GRM8: variants seen among roughly 807,000 people sequenced by gnomAD.
GRM8 encodes glutamate metabotropic receptor 8, also known as metabotropic glutamate receptor 8.
GRM8 carries 47 observed loss-of-function variants against 87.2 expected under a neutral mutation model. That is an observed-to-expected ratio of 0.54 (90% CI 0.43 to 0.69). GRM8 has a LOEUF of 0.69. Ranked by LOEUF, GRM8 falls within the 30% of genes least tolerant of loss-of-function variation. The probability of loss-of-function intolerance (pLI) is 0.00; values close to 1 mark genes in which losing one functional copy is unlikely to be tolerated. For synonymous variants in GRM8, 396 were observed against 404.5 expected, an observed-to-expected ratio of 0.98 and a Z score of 0.25; for missense variants, 1,019 against 1,139.2, an observed-to-expected ratio of 0.89 and a Z score of 1.52.
intron 10 of GRM8, among the ~76,000 whole-genome samples, chr7:126,443,305 T>C (rs748049365): frequency 2.0e-5 from 3 of 152,042 alleles, no homozygotes; most frequent in Non-Finnish European, 2.9e-5. Context: ...ATGTAAACTA[T>C]AGTCTGCAAA....
At chr7:126,845,035 C>A (rs1000770954) in intron 6 of GRM8, among the ~76,000 whole-genome samples, 1 of 152,142 alleles carries the variant, frequency 6.6e-6, no homozygotes, top group Non-Finnish European at 1.5e-5. Context: ...AAGCCCACAC[C>A]ATCTCTACCT....
chr7:127,078,648 G>A (rs372652671), intron 3 of GRM8, among the ~76,000 whole-genome samples: 9 of 152,196 alleles, frequency 5.9e-5, no homozygotes, highest in African/African-American at 2.2e-4. Context: ...GTCGACAGAG[G>A]ATATCAACCT....
At chr7:126,641,711 A>T (rs1802406056) in intron 7 of GRM8, among the ~76,000 whole-genome samples, 1 of 152,136 alleles carries the variant, frequency 6.6e-6, no homozygotes, top group Non-Finnish European at 1.5e-5. Context: ...GAAAAAAATT[A>T]CCCATGGCCA....
At chr7:126,655,122 G>C (rs1804363298) in intron 7 of GRM8, among the ~76,000 whole-genome samples, 1 of 152,186 alleles carries the variant, frequency 6.6e-6, no homozygotes, top group Non-Finnish European at 1.5e-5. Flanking sequence ...AAATGTGATT[G>C]ATTCTGCGTA....
At chr7:126,610,431 T>C (rs1563009363) in intron 7 of GRM8, among the ~76,000 whole-genome samples, 1 of 152,194 alleles carries the variant, frequency 6.6e-6, no homozygotes, top group Non-Finnish European at 1.5e-5. Flanking sequence ...GTGTCTGTCT[T>C]CCCTCTGCAG....
rs549271335 is a variant in GRM8 at position 126,502,913 on chromosome 7, G to A, written c.2430+30039C>T. Among the ~76,000 whole-genome samples the A allele has an allele frequency of 7.9e-5, 12 of 152,050 alleles. No individual in the cohort carries two copies. In the East Asian group the frequency reaches 2.1e-3, roughly 27 times the overall value. ...CAGTCCTGTGCTCCATATTCCAGCTGGTTCCAGTGGTGCTGTTAAGCAAAG... is the reference window on the plus strand; with the variant it reads ...CAGTCCTGTGCTCCATATTCCAGCTAGTTCCAGTGGTGCTGTTAAGCAAAG... On this transcript the variant is annotated intron_variant, in intron 9 of 10. Coordinates refer to ENST00000339582, the MANE Select transcript of GRM8 (RefSeq NM_000845.3).
At chr7:127,175,497 G>A (rs1224023162) in intron 2 of GRM8, among the ~76,000 whole-genome samples, 2 of 152,106 alleles carry the variant, frequency 1.3e-5, no homozygotes, top group African/African-American at 4.8e-5. Flanking sequence ...ATGAGGTTCA[G>A]AGAAAAGCAG....
Position 126,861,902 on chromosome 7 carries a change from A to G in GRM8, c.1156+40640T>C, listed in dbSNP as rs539449788. On this transcript the variant is annotated intron_variant, in intron 6 of 10. Coordinates refer to ENST00000339582, the MANE Select transcript of GRM8 (RefSeq NM_000845.3). ...GCCTTTTAGCTTTTTATTTTGATATACTACAGCTTTTAAGTGGTTGTGGTG... is the reference window on the plus strand; with the variant it reads ...GCCTTTTAGCTTTTTATTTTGATATGCTACAGCTTTTAAGTGGTTGTGGTG... 2.0e-5 allele frequency among the ~76,000 whole-genome samples: 3 copies of G among 152,020 alleles called. No homozygotes were observed. The South Asian group carries it at 6.2e-4, about 32-fold the overall frequency.
At chr7:126,698,334 T>G (rs1156495191) in intron 7 of GRM8, among the ~76,000 whole-genome samples, 1 of 152,162 alleles carries the variant, frequency 6.6e-6, no homozygotes, top group East Asian at 1.9e-4. Context: ...ATAATAGAAT[T>G]GTTCTATTTT....
At chr7:127,104,871 T>C (rs1825667223) in intron 3 of GRM8, among the ~76,000 whole-genome samples, 1 of 152,212 alleles carries the variant, frequency 6.6e-6, no homozygotes, top group Non-Finnish European at 1.5e-5. Flanking sequence ...AACTGTGGTT[T>C]CACTTAACTT....
intron 7 of GRM8, among the ~76,000 whole-genome samples, chr7:126,720,636 C>T (rs1812293437): frequency 6.6e-6 from 1 of 152,142 alleles, no homozygotes; most frequent in South Asian, 2.1e-4. Context: ...ACTGTCTTTA[C>T]AATTCCAAGA....
chr7:127,038,925 G>A (rs1242242785), intron 3 of GRM8, among the ~76,000 whole-genome samples: 11 of 152,164 alleles, frequency 7.2e-5, no homozygotes. Context: ...ATGCCTGAAA[G>A]ACAAAGTTAA....
chr7:127,174,581 T>C (rs1236536581), intron 2 of GRM8, among the ~76,000 whole-genome samples: 1 of 152,180 alleles, frequency 6.6e-6, no homozygotes, highest in Non-Finnish European at 1.5e-5. Context: ...TTAGTCACAA[T>C]AGAAGGCTTT....
chr7:126,794,626 G>C (rs1311030373), intron 6 of GRM8, among the ~76,000 whole-genome samples: 2 of 152,044 alleles, frequency 1.3e-5, no homozygotes, highest in Non-Finnish European at 2.9e-5. Flanking sequence ...ATTATTCTGA[G>C]TTTTAAAAAA....
At chr7:126,514,278 C>CAACG (rs1183206036) in intron 9 of GRM8, among the ~76,000 whole-genome samples, 5 of 152,096 alleles carry the variant, frequency 3.3e-5, no homozygotes, top group Non-Finnish European at 7.4e-5. Flanking sequence ...AAGGACGATG[C>CAACG]ATCCAATTTC....
chr7:127,027,896 C>A (rs1816948861), intron 3 of GRM8, among the ~76,000 whole-genome samples: 1 of 152,136 alleles, frequency 6.6e-6, no homozygotes, highest in African/African-American at 2.4e-5. Flanking sequence ...GAGAGGTCCT[C>A]CTTGTCTTGT....
intron 9 of GRM8, among the ~76,000 whole-genome samples, chr7:126,471,855 C>G (rs1313072215): frequency 6.6e-6 from 1 of 152,110 alleles, no homozygotes; most frequent in African/African-American, 2.4e-5. Context: ...TTTGTATCCT[C>G]TTTTATTTCA....
chr7:126,913,021 A>C (rs1803481490), intron 3 of GRM8, among the ~76,000 whole-genome samples: 1 of 152,236 alleles, frequency 6.6e-6, no homozygotes, highest in Non-Finnish European at 1.5e-5. Context: ...AACAATCTAA[A>C]AGGATAAAGA....
At chr7:126,770,088 C>T in intron 6 of GRM8, 23 bp from the exon 7 acceptor site, 1 of 1,536,030 alleles carries the variant, frequency 6.5e-7, no homozygotes, top group Non-Finnish European at 9.0e-7. Flanking sequence ...AAAGTAAAAA[C>T]CATCAGTTGA....
Sources: allele counts gnomAD v4.1 joint callset (sites outside exome capture counted in the v4.1 genomes callset), GRCh38; gene constraint gnomAD v4.1.1; transcripts MANE v1.5; gene names NCBI Gene and HGNC (gene_info 2026-07-23, HGNC 2026-07-21).